The following BAZ2A variants were observed in gnomAD, a reference collection of about 807,000 sequenced individuals.
The protein encoded by BAZ2A is bromodomain adjacent to zinc finger domain protein 2A.
In BAZ2A, 34 loss-of-function variants were observed where a neutral mutation model predicts 199.9. The observed-to-expected ratio is 0.17, with a 90% CI of 0.13 to 0.23. The LOEUF (loss-of-function observed/expected upper bound fraction) is 0.23, where lower values mean the gene tolerates loss of function less well. Ranked by LOEUF, BAZ2A falls within the 10% of genes least tolerant of loss-of-function variation. The pLI, the probability that BAZ2A is intolerant of heterozygous loss-of-function variation, is 1.00. For missense variants in BAZ2A, 2,002 were observed against 2,391.1 expected, an observed-to-expected ratio of 0.84 and a Z score of 3.39; for synonymous variants, 857 against 883.9, an observed-to-expected ratio of 0.97 and a Z score of 0.54.
intron 2 of BAZ2A, 65 bp downstream of exon 2, chr12:56,617,330 C>A: frequency 1.4e-6 from 2 of 1,382,760 alleles, no homozygotes; most frequent in South Asian, 3.4e-5. Flanking sequence ...AAATATCCCC[C>A]CATGAATCTG....
At chr12:56,599,506 T>C (rs1401154796) in intron 26 of BAZ2A, 148 bp from the exon 27 acceptor site, 3 of 1,220,836 alleles carry the variant, frequency 2.5e-6, no homozygotes, top group African/African-American at 3.1e-5. Context: ...ATGAAGTAGG[T>C]AAAAGGGAAG....
intron 2 of BAZ2A, among the ~76,000 whole-genome samples, chr12:56,616,028 C>T (rs1249037997): frequency 6.6e-6 from 1 of 152,100 alleles, no homozygotes; most frequent in Non-Finnish European, 1.5e-5. Flanking sequence ...CTCAGCCTCC[C>T]GAGTAGCTGG....
chr12:56,612,379 G>T (rs960113543), intron 5 of BAZ2A, 133 bp from the exon 6 acceptor site: 9 of 755,302 alleles, frequency 1.2e-5, no homozygotes, highest in African/African-American at 1.8e-5. Flanking sequence ...GTTGGAAAAA[G>T]AAGTAGCTTT....
At chr12:56,611,500 G>A (rs1351938104) in intron 7 of BAZ2A, 73 bp downstream of exon 7, 5 of 1,447,164 alleles carry the variant, frequency 3.5e-6, no homozygotes, top group Non-Finnish European at 4.9e-6. Context: ...GAGGAAAAGA[G>A]GCATTCCCTT....
At chr12:56,613,870 CT>C (rs1950635618) in intron 4 of BAZ2A, 82 bp downstream of exon 4, 2 of 1,434,668 alleles carry the variant, frequency 1.4e-6, no homozygotes, top group African/African-American at 1.4e-5. Flanking sequence ...TTGCCTAATA[CT>C]TTTCCCATTT....
At chr12:56,603,955 G>GT (rs2136831136) in intron 16 of BAZ2A, among the ~76,000 whole-genome samples, 1 of 152,272 alleles carries the variant, frequency 6.6e-6, no homozygotes, top group East Asian at 1.9e-4. Context: ...GGAGGTGGCA[G>GT]TGAGCCAAGA....
chr12:56,621,028 C>T, intron 1 of BAZ2A: 7 of 976,184 alleles, frequency 7.2e-6, no homozygotes, highest in Non-Finnish European at 8.5e-6. Context: ...AAGGAGGACA[C>T]TCTTCACTTC....
In BAZ2A at chr12:56,602,927, T is replaced by C. The variant is rs531084518; in HGVS notation, c.3280-70A>G. 219 of 1,497,894 alleles carry C rather than the reference T, an allele frequency of 1.5e-4. No homozygotes were observed. In the Middle Eastern group the frequency reaches 2.4e-3, roughly 16 times the overall value. The allele number at this position is 1,497,894 out of a possible 1,614,324, so 92.8% of individuals were successfully genotyped here. On this transcript the variant is annotated intron_variant, in intron 18 of 28. Coordinates refer to ENST00000549884, the MANE Select transcript of BAZ2A (RefSeq NM_001300905.2). The stretch of plus-strand genomic sequence containing the variant: ...GTGACAGTGGTGAATTCATCCAGTA[T>C]ATCAGAGAAAGGCAATGGCTCTCAG...
chr12:56,621,302 G>T, intron 1 of BAZ2A: 2 of 960,346 alleles, frequency 2.1e-6, no homozygotes, highest in Non-Finnish European at 2.5e-6. Flanking sequence ...ATAACAACAT[G>T]TCGATGGCTC....
chr12:56,606,400 G>A, intron 11 of BAZ2A, 88 bp from the exon 12 acceptor site: 2 of 1,495,348 alleles, frequency 1.3e-6, no homozygotes, highest in Non-Finnish European at 1.9e-6. Flanking sequence ...AGGGTGCTGG[G>A]GAGGAGAGGT....
At chr12:56,607,755 T>C (rs894185740) in intron 10 of BAZ2A, among the ~76,000 whole-genome samples, 5 of 152,164 alleles carry the variant, frequency 3.3e-5, no homozygotes, top group African/African-American at 1.2e-4. Context: ...ACAGATATTA[T>C]GGGCAGATGA....
At chr12:56,621,347 A>G in intron 1 of BAZ2A, 2 of 823,980 alleles carry the variant, frequency 2.4e-6, no homozygotes, top group Non-Finnish European at 2.9e-6. Flanking sequence ...ATGGGAAGTT[A>G]TTTAGTATGT....
Position 56,603,764 on chromosome 12 carries a change from G to A in BAZ2A, c.3039-64C>T, listed in dbSNP as rs1950254446. The A allele has an allele frequency of 1.9e-6, 3 of 1,577,586 alleles. No individual in the cohort carries two copies. In the African/African-American group the frequency reaches 4.0e-5, roughly 21 times the overall value. On this transcript the variant is annotated intron_variant, in intron 16 of 28. Transcript: ENST00000549884. Reference sequence around the variant, plus strand: ...GTGGTGGCTCACACCTGTAATTCCAGCACTTTGGGAGGCCAAGACAGGCGG... The same window carrying A: ...GTGGTGGCTCACACCTGTAATTCCAACACTTTGGGAGGCCAAGACAGGCGG...
At chr12:56,620,815 C>T (rs1180632627) in intron 1 of BAZ2A, among the ~76,000 whole-genome samples, 1 of 152,122 alleles carries the variant, frequency 6.6e-6, no homozygotes, top group Non-Finnish European at 1.5e-5. Context: ...CCCACCGCGG[C>T]CTCCCAATGT....
upstream of BAZ2A, chr12:56,630,962 A>C (rs1444146466): frequency 1.4e-6 from 1 of 712,026 alleles, no homozygotes; most frequent in Non-Finnish European, 1.7e-6. Flanking sequence ...TAAGCTGAAA[A>C]CTAATCAGCA....
intron 4 of BAZ2A, 100 bp downstream of exon 4, chr12:56,613,853 C>A: frequency 1.5e-6 from 2 of 1,302,208 alleles, no homozygotes; most frequent in Non-Finnish European, 2.1e-6. Context: ...AGCCCCAGTG[C>A]CCCTGATTGC....
chr12:56,611,209 C>A (rs1565821218), intron 7 of BAZ2A: 1 of 307,668 alleles, frequency 3.3e-6, no homozygotes, highest in Admixed American at 4.8e-5. Flanking sequence ...AAAACCACCT[C>A]AATTCATTAG....
At chr12:56,612,962 T>G in intron 5 of BAZ2A, 53 bp downstream of exon 5, 1 of 1,531,106 alleles carries the variant, frequency 6.5e-7, no homozygotes, top group Non-Finnish European at 9.0e-7. Flanking sequence ...AAACTTATTC[T>G]CTCATCTTTT....
At chr12:56,626,150 T>C (rs1039802451) in intron 1 of BAZ2A, among the ~76,000 whole-genome samples, 4 of 152,084 alleles carry the variant, frequency 2.6e-5, no homozygotes, top group Non-Finnish European at 5.9e-5. Context: ...TGGTGAAAAA[T>C]AGTCCTACTG....
Sources: gnomAD v4.1 joint callset for allele counts (sites outside exome capture counted in the v4.1 genomes callset) on GRCh38, gnomAD v4.1.1 for gene constraint, MANE v1.5 for transcripts, NCBI Gene and HGNC (gene_info 2026-07-23, HGNC 2026-07-21) for gene names.